Variants in CDK14 observed in about 807,000 individuals in gnomAD.
The protein encoded by CDK14 is cyclin-dependent kinase 14.
CDK14 carries 34 observed loss-of-function variants against 60.7 expected under a neutral mutation model. The ratio of observed to expected loss-of-function variants is 0.56; its 90% confidence interval spans 0.43 to 0.75. The LOEUF is 0.75. Among genes scored for constraint, CDK14 ranks in the 30% least tolerant of loss-of-function variants. CDK14 has a pLI of 0.00. For synonymous variants in CDK14, 197 were observed against 203.7 expected, an observed-to-expected ratio of 0.97 and a Z score of 0.28; for missense variants, 482 against 564.1, an observed-to-expected ratio of 0.85 and a Z score of 1.47.
At chr7:91,146,657 A>G (rs1190998577) in intron 14 of CDK14, among the ~76,000 whole-genome samples, 3 of 152,210 alleles carry the variant, frequency 2.0e-5, no homozygotes, top group Non-Finnish European at 4.4e-5. Context: ...ACTTAGAAAG[A>G]GTTAAAATCA....
chr7:90,746,981 G>A (rs1803618560), intron 3 of CDK14, among the ~76,000 whole-genome samples: 1 of 152,144 alleles, frequency 6.6e-6, no homozygotes, highest in South Asian at 2.1e-4. Context: ...GATTTACAAT[G>A]GGATACAGTA....
At chr7:90,702,583 G>T (rs1291639563) in intron 2 of CDK14, among the ~76,000 whole-genome samples, 1 of 151,898 alleles carries the variant, frequency 6.6e-6, no homozygotes, top group Non-Finnish European at 1.5e-5. Flanking sequence ...ATTATATAGG[G>T]ATACACATTT....
At chr7:91,035,412 C>T (rs35622110) in intron 10 of CDK14, among the ~76,000 whole-genome samples, 21,623 of 152,190 alleles carry the variant, frequency 0.14, 1,675 homozygotes, top group African/African-American at 0.17. Flanking sequence ...TGCTGTATAT[C>T]AATATCTTTA....
intron 9 of CDK14, among the ~76,000 whole-genome samples, chr7:90,968,569 C>T (rs1794824421): frequency 6.6e-6 from 1 of 152,054 alleles, no homozygotes; most frequent in Non-Finnish European, 1.5e-5. Context: ...TTCAGTTGAG[C>T]TTGGCAAAGC....
chr7:90,924,429 C>T (rs1011062487), intron 8 of CDK14, among the ~76,000 whole-genome samples: 2 of 148,292 alleles, frequency 1.3e-5, no homozygotes, highest in Non-Finnish European at 3.0e-5. Context: ...TAAGTGTAAA[C>T]GTTAGCTTAG....
chr7:90,907,273 A>G (rs1023106063), intron 7 of CDK14, among the ~76,000 whole-genome samples: 2 of 152,028 alleles, frequency 1.3e-5, no homozygotes, highest in African/African-American at 2.4e-5. Context: ...GGTTTGAGCT[A>G]TCATAGTTGA....
intron 8 of CDK14, among the ~76,000 whole-genome samples, chr7:90,950,224 G>A (rs1001721403): frequency 1.3e-5 from 2 of 152,026 alleles, no homozygotes; most frequent in Non-Finnish European, 2.9e-5. Flanking sequence ...TTACAGGCGC[G>A]TGCCACCATA....
At chr7:90,938,929 T>C (rs1426798756) in intron 8 of CDK14, among the ~76,000 whole-genome samples, 1 of 152,222 alleles carries the variant, frequency 6.6e-6, no homozygotes, top group African/African-American at 2.4e-5. Context: ...GTCCATGATT[T>C]ATTGTTTCGT....
intron 12 of CDK14, among the ~76,000 whole-genome samples, chr7:91,080,538 G>A (rs528056519): frequency 2.0e-5 from 3 of 152,250 alleles, no homozygotes; most frequent in Admixed American, 6.5e-5. Context: ...AGGCTCCCCT[G>A]GGAAGCATTC....
intron 2 of CDK14, among the ~76,000 whole-genome samples, chr7:90,634,531 A>G (rs1338752125): frequency 4.0e-5 from 6 of 151,608 alleles, no homozygotes; most frequent in South Asian, 2.1e-4. Flanking sequence ...CCAGTCTATC[A>G]TTGTTGGACA....
At chr7:90,910,461 C>T (rs1792856702) in intron 7 of CDK14, among the ~76,000 whole-genome samples, 1 of 152,018 alleles carries the variant, frequency 6.6e-6, no homozygotes, top group Admixed American at 6.6e-5. Context: ...TTTTTAACTT[C>T]TAGGAAGTTG....
At chr7:90,841,141 C>A (rs189004560) in intron 5 of CDK14, among the ~76,000 whole-genome samples, 79 of 151,974 alleles carry the variant, frequency 5.2e-4, no homozygotes, top group Non-Finnish European at 7.1e-4. Context: ...CTTTCATAAT[C>A]AGGGTAAAAA....
At chr7:91,085,314 GTCTCACT>G (rs1425490285) in intron 12 of CDK14, among the ~76,000 whole-genome samples, 2 of 152,062 alleles carry the variant, frequency 1.3e-5, no homozygotes, top group Non-Finnish European at 2.9e-5. Context: ...TATGGCTGAG[GTCTCACT>G]TCCTTGCTCG....
At chr7:90,915,441 G>T (rs1256844466) in intron 7 of CDK14, among the ~76,000 whole-genome samples, 1 of 152,092 alleles carries the variant, frequency 6.6e-6, no homozygotes, top group Non-Finnish European at 1.5e-5. Context: ...AGCATGCTGA[G>T]TGTTGAGGTA....
rs569053343 is a variant in CDK14 at position 90,779,444 on chromosome 7, G to A, written c.465-11129G>A. On this transcript the variant is annotated intron_variant, in intron 4 of 14. Coordinates refer to ENST00000380050, the MANE Select transcript of CDK14 (RefSeq NM_001287135.2). ...TTTTTTAAATTTTTGTAGGGAGAAG[G>A]GATTTTGCTGTGTGGCCCAGGCATG... Among the ~76,000 whole-genome samples, 12 of 152,146 alleles carry A rather than the reference G, an allele frequency of 7.9e-5. No individual in the cohort carries two copies. In the East Asian group the frequency reaches 2.3e-3, roughly 29 times the overall value.
At chr7:90,947,208 C>G (rs1794126925) in intron 8 of CDK14, among the ~76,000 whole-genome samples, 1 of 152,196 alleles carries the variant, frequency 6.6e-6, no homozygotes, top group African/African-American at 2.4e-5. Context: ...CAGTTCACTT[C>G]CCATTCCTGT....
intron 2 of CDK14, among the ~76,000 whole-genome samples, chr7:90,719,164 T>C (rs1308055245): frequency 6.6e-6 from 1 of 152,166 alleles, no homozygotes; most frequent in Non-Finnish European, 1.5e-5. Context: ...TAGTTTTGCA[T>C]TGGACCTGTG....
At chr7:90,817,572 T>G (rs1453682105) in intron 5 of CDK14, among the ~76,000 whole-genome samples, 1 of 152,188 alleles carries the variant, frequency 6.6e-6, no homozygotes, top group Admixed American at 6.5e-5. Context: ...TGAGATTAGT[T>G]TTTCTGTAGG....
chr7:91,003,180 C>T (rs1795888614), intron 10 of CDK14, among the ~76,000 whole-genome samples: 1 of 152,182 alleles, frequency 6.6e-6, no homozygotes, highest in African/African-American at 2.4e-5. Context: ...CAGTGAATGG[C>T]AGTTTAAGAG....
Sources: allele counts gnomAD v4.1 joint callset (sites outside exome capture counted in the v4.1 genomes callset), GRCh38; gene constraint gnomAD v4.1.1; transcripts MANE v1.5; gene names NCBI Gene and HGNC (gene_info 2026-07-23, HGNC 2026-07-21).